Variants in FHIT observed in about 807,000 individuals in gnomAD.
FHIT encodes the protein fragile histidine triad diadenosine triphosphatase.
A neutral mutation model predicts 17.9 loss-of-function variants in FHIT; 19 were observed. That is an observed-to-expected ratio of 1.06 (90% CI 0.74 to 1.56). FHIT has a LOEUF of 1.56. Ranked by LOEUF, FHIT falls within the 40% of genes most tolerant of loss-of-function variation. The probability of loss-of-function intolerance (pLI) is 0.00; values close to 1 mark genes in which losing one functional copy is unlikely to be tolerated. For synonymous variants in FHIT, 81 were observed against 69.7 expected, an observed-to-expected ratio of 1.16 and a Z score of -0.81; for missense variants, 248 against 189.2, an observed-to-expected ratio of 1.31 and a Z score of -1.82.
chr3:61,126,939 G>T (rs953300336), intron 2 of FHIT, among the ~76,000 whole-genome samples: 2 of 152,200 alleles, frequency 1.3e-5, no homozygotes, highest in African/African-American at 4.8e-5. Context: ...ACCCTAAAAG[G>T]CTAGAAGAAA....
chr3:60,948,737 A>G (rs1399195841), intron 3 of FHIT, among the ~76,000 whole-genome samples: 1 of 152,166 alleles, frequency 6.6e-6, no homozygotes, highest in Non-Finnish European at 1.5e-5. Context: ...CAATAACCAA[A>G]ATTTTTTTAA....
At chr3:60,612,592 G>A (rs1199534627) in intron 4 of FHIT, among the ~76,000 whole-genome samples, 4 of 152,168 alleles carry the variant, frequency 2.6e-5, no homozygotes, top group Non-Finnish European at 5.9e-5. Flanking sequence ...CCTTCTTATA[G>A]CCAGGTCACC....
chr3:60,680,022 G>A lies in FHIT; in HGVS notation c.-18+141897C>T, dbSNP rs553051378. 1.1e-4 allele frequency among the ~76,000 whole-genome samples: 16 copies of A among 152,108 alleles called. No homozygotes were observed. The South Asian group carries it at 3.1e-3, about 30-fold the overall frequency. ...GTATTAGCTATTGGTGAACATGTACGTTTTCCTGAATTATCAAAAAGATAC... is the reference window on the plus strand; with the variant it reads ...GTATTAGCTATTGGTGAACATGTACATTTTCCTGAATTATCAAAAAGATAC... On this transcript the variant is annotated intron_variant, in intron 4 of 9. Transcript: ENST00000492590.
chr3:59,814,345 G>A (rs973918078), intron 8 of FHIT, among the ~76,000 whole-genome samples: 10 of 152,214 alleles, frequency 6.6e-5, no homozygotes, highest in Non-Finnish European at 1.3e-4. Flanking sequence ...GCCAGAGCAC[G>A]TATGGTCTTG....
At chr3:60,441,598 C>T (rs532594949) in intron 5 of FHIT, among the ~76,000 whole-genome samples, 1 of 150,436 alleles carries the variant, frequency 6.6e-6, no homozygotes, top group South Asian at 2.1e-4. Flanking sequence ...GAAAGAGTCA[C>T]ATACAAACTG....
In FHIT at chr3:60,011,233, G is replaced by T. The variant is rs746550058; in HGVS notation, c.279+138C>A. On this transcript the variant is annotated intron_variant, in intron 7 of 9. Transcript: ENST00000492590. ...CAGAGTTTATAATGTCAGGATTTAC[G>T]GCTCTAACACTGAGGGTCTCTCTGA... 13 of 697,152 alleles carry T rather than the reference G, an allele frequency of 1.9e-5. No individual in the cohort carries two copies. The Admixed American group carries it at 2.9e-4, about 15-fold the overall frequency. 43.2% of individuals were successfully genotyped at this position (697,152 alleles called of 1,614,324 possible).
At chr3:60,559,595 T>G (rs1343053210) in intron 4 of FHIT, among the ~76,000 whole-genome samples, 2 of 152,208 alleles carry the variant, frequency 1.3e-5, no homozygotes, top group Admixed American at 6.5e-5. Context: ...AGTATAATGT[T>G]CTGATCCTCA....
At chr3:59,755,384 T>C (rs1032090793) in intron 8 of FHIT, among the ~76,000 whole-genome samples, 1 of 152,202 alleles carries the variant, frequency 6.6e-6, no homozygotes, top group Non-Finnish European at 1.5e-5. Flanking sequence ...CTAAAAATGC[T>C]ACAGTTTGGA....
chr3:60,460,469 A>C (rs1406961458), intron 5 of FHIT, among the ~76,000 whole-genome samples: 1 of 152,196 alleles, frequency 6.6e-6, no homozygotes, highest in East Asian at 1.9e-4. Flanking sequence ...TTCTTTGGAA[A>C]AACTTTTTGG....
At chr3:60,692,536 T>C (rs1276626628) in intron 4 of FHIT, among the ~76,000 whole-genome samples, 1 of 152,094 alleles carries the variant, frequency 6.6e-6, no homozygotes, top group African/African-American at 2.4e-5. Context: ...ATTGCTGATA[T>C]TGAAGATGAA....
At chr3:60,537,037 C>A in intron 4 of FHIT, 58 bp from the exon 5 acceptor site, 1 of 1,472,552 alleles carries the variant, frequency 6.8e-7, no homozygotes, top group Non-Finnish European at 9.1e-7. Context: ...AGTTCATATA[C>A]CACCTTAAAG....
chr3:60,495,554 T>G (rs760389865), intron 5 of FHIT, among the ~76,000 whole-genome samples: 1 of 152,094 alleles, frequency 6.6e-6, no homozygotes, highest in Non-Finnish European at 1.5e-5. Flanking sequence ...ACATTGGAAC[T>G]TGATTCTACA....
At chr3:61,216,308 A>C (rs1466264578) in intron 1 of FHIT, among the ~76,000 whole-genome samples, 1 of 152,192 alleles carries the variant, frequency 6.6e-6, no homozygotes, top group Non-Finnish European at 1.5e-5. Flanking sequence ...ACAAAAACAA[A>C]CAACCCCATC....
At chr3:60,010,341 T>C (rs1437630430) in intron 7 of FHIT, among the ~76,000 whole-genome samples, 2 of 152,154 alleles carry the variant, frequency 1.3e-5, no homozygotes, top group Admixed American at 6.5e-5. Flanking sequence ...CCCTTTTTTA[T>C]GATAAGGAAT....
At chr3:61,159,053 G>GA (rs1182484968) in intron 2 of FHIT, among the ~76,000 whole-genome samples, 6 of 152,138 alleles carry the variant, frequency 3.9e-5, no homozygotes, top group Non-Finnish European at 7.4e-5. Flanking sequence ...CATTAGTGGG[G>GA]AAAAAATAGC....
Position 60,795,961 on chromosome 3 carries a change from C to T in FHIT, c.-18+25958G>A, listed in dbSNP as rs148243527. On this transcript the variant is annotated intron_variant, in intron 4 of 9. Coordinates refer to ENST00000492590, the MANE Select transcript of FHIT (RefSeq NM_002012.4). ...GGGAAGAAAAAGAGGTTTAATTAGACTTACAGTTCCACATGACAGGGGAGG... is the reference window on the plus strand; with the variant it reads ...GGGAAGAAAAAGAGGTTTAATTAGATTTACAGTTCCACATGACAGGGGAGG... 1.5e-3 allele frequency among the ~76,000 whole-genome samples: 230 copies of T among 152,272 alleles called. 6 individuals carry two copies. In the South Asian group the frequency reaches 0.022, roughly 15 times the overall value.
Position 60,680,643 on chromosome 3 carries a change from T to C in FHIT, c.-18+141276A>G, listed in dbSNP as rs189291548. ...CTGCAAAACTTTCAATAAAAGGAAA[T>C]ATAGGAAAATCATCAAGATATTTTC... On this transcript the variant is annotated intron_variant, in intron 4 of 9. Coordinates refer to ENST00000492590, the MANE Select transcript of FHIT (RefSeq NM_002012.4). 3.3e-5 allele frequency among the ~76,000 whole-genome samples: 5 copies of C among 149,984 alleles called. No individual in the cohort carries two copies. The East Asian group carries it at 9.8e-4, about 30-fold the overall frequency.
chr3:60,064,597 T>C (rs1702423563), intron 5 of FHIT, among the ~76,000 whole-genome samples: 1 of 152,190 alleles, frequency 6.6e-6, no homozygotes, highest in Non-Finnish European at 1.5e-5. Context: ...CTGTCATAGC[T>C]ATAGCTGACT....
At chr3:59,796,709 G>T (rs1160956289) in intron 8 of FHIT, among the ~76,000 whole-genome samples, 1 of 152,084 alleles carries the variant, frequency 6.6e-6, no homozygotes, top group Non-Finnish European at 1.5e-5. Context: ...CACTGGGTGG[G>T]TTTTTCTGGG....
Sources: gnomAD v4.1 joint callset for allele counts (sites outside exome capture counted in the v4.1 genomes callset) on GRCh38, gnomAD v4.1.1 for gene constraint, MANE v1.5 for transcripts, NCBI Gene and HGNC (gene_info 2026-07-23, HGNC 2026-07-21) for gene names.